PUDP: variants seen among roughly 807,000 people sequenced by gnomAD.
PUDP encodes pseudouridine-5'-phosphatase.
In PUDP, 8 loss-of-function variants were observed where a neutral mutation model predicts 9.4. The ratio of observed to expected loss-of-function variants is 0.85; its 90% CI spans 0.50 to 1.53. PUDP has a LOEUF of 1.53. PUDP is among the 40% of genes most tolerant of loss of function. The probability of loss-of-function intolerance (pLI) is 0.00; values close to 1 mark genes in which losing one functional copy is unlikely to be tolerated. For synonymous variants in PUDP, 99 were observed against 80.7 expected (o/e 1.23, Z -1.22); for missense variants, 188 against 189.7 (o/e 0.99, Z 0.05).
chrX:7,147,143 C>CATGTGA, intron 1 of PUDP, among the ~76,000 whole-genome samples: 1 of 111,044 alleles, frequency 9.0e-6, no homozygotes, highest in East Asian at 2.8e-4. Context: ...TACCTTAGTA[C>CATGTGA]ACTGCCAAGG....
chrX:6,973,195 G>A lies in PUDP; in HGVS notation c.*247+3938C>T, dbSNP rs766707824. ...ATTGATTTTTTGAAGAGTTTTTCAT[G>A]TCTCTATCTCCTTCAGTTCTGCTTT... On this transcript the variant is annotated intron_variant and NMD_transcript_variant, in intron 3 of 3. Coordinates refer to the PUDP transcript ENST00000655425. Among the ~76,000 whole-genome samples the A allele has an allele frequency of 4.9e-3, 545 of 111,235 alleles. 1 individual carries two copies. Among genetic ancestry groups the A allele is most frequent in the Non-Finnish European group, 8.2e-3 (436 of 53,041 alleles).
chrX:7,118,121 TG>T (rs1932246561), intron 1 of PUDP, among the ~76,000 whole-genome samples: 1 of 113,079 alleles, frequency 8.8e-6, no homozygotes, highest in African/African-American at 3.2e-5. Context: ...CACACTTATG[TG>T]GGCTTGGATG....
intron 3 of PUDP, among the ~76,000 whole-genome samples, chrX:6,887,047 T>C (rs2146743507): frequency 9.4e-6 from 1 of 105,964 alleles, no homozygotes; most frequent in East Asian, 2.8e-4. Flanking sequence ...ATAAATTATA[T>C]ATGAATATAT....
At chrX:6,931,719 C>T (rs889122227) in intron 3 of PUDP, among the ~76,000 whole-genome samples, 1 of 111,284 alleles carries the variant, frequency 9.0e-6, no homozygotes, top group African/African-American at 3.3e-5. Flanking sequence ...TTCCATGAAC[C>T]CTTGCACCTG....
At chrX:6,873,425 T>C (rs1163494303) in intron 3 of PUDP, among the ~76,000 whole-genome samples, 1 of 112,217 alleles carries the variant, frequency 8.9e-6, no homozygotes, top group Non-Finnish European at 1.9e-5. Context: ...AACATGCTCC[T>C]GGTCTAAAAA....
chrX:6,720,078 AATAG>A (rs759661634), intron 1 of PUDP, among the ~76,000 whole-genome samples: 29 of 107,261 alleles, frequency 2.7e-4, no homozygotes, highest in Admixed American at 8.1e-4. Context: ...CCAATAGATG[AATAG>A]ATAAAGAAAA....
intron 2 of PUDP, among the ~76,000 whole-genome samples, chrX:7,098,884 G>A (rs1258966571): frequency 9.2e-6 from 1 of 108,125 alleles, no homozygotes; most frequent in African/African-American, 3.4e-5. Flanking sequence ...GGGGAGAGCC[G>A]GCCAAGAGAT....
intron 3 of PUDP, among the ~76,000 whole-genome samples, chrX:6,795,191 T>C (rs1925824230): frequency 9.0e-6 from 1 of 111,515 alleles, no homozygotes; most frequent in Non-Finnish European, 1.9e-5. Context: ...GTATATGTGG[T>C]CTGTCACTGA....
At chrX:7,027,533 A>T (rs754483069) in intron 1 of PUDP, among the ~76,000 whole-genome samples, 1 of 103,741 alleles carries the variant, frequency 9.6e-6, no homozygotes, top group East Asian at 3.0e-4. Flanking sequence ...ATATATTCAC[A>T]CATATATGTG....
intron 1 of PUDP, among the ~76,000 whole-genome samples, chrX:6,717,011 C>G (rs975608873): frequency 1.6e-4 from 18 of 111,386 alleles, no homozygotes; most frequent in African/African-American, 5.9e-4. Context: ...TCAAGTAATC[C>G]TTCTACCTTG....
At chrX:6,772,392 A>G (rs1159184838) in intron 3 of PUDP, among the ~76,000 whole-genome samples, 1 of 110,926 alleles carries the variant, frequency 9.0e-6, no homozygotes, top group African/African-American at 3.3e-5. Flanking sequence ...AGGGGCTACA[A>G]GCAGAGTCAG....
chrX:6,810,795 G>T (rs1360318130), intron 3 of PUDP, among the ~76,000 whole-genome samples: 2 of 111,657 alleles, frequency 1.8e-5, no homozygotes, highest in Non-Finnish European at 3.8e-5. Flanking sequence ...TGAAGCTCAA[G>T]AATTAGATAT....
chrX:6,805,700 T>A (rs989842323), intron 3 of PUDP, among the ~76,000 whole-genome samples: 1 of 108,318 alleles, frequency 9.2e-6, no homozygotes, highest in African/African-American at 3.4e-5. Flanking sequence ...TTTTTTTTTT[T>A]AGAGATGGGG....
chrX:6,897,736 T>A (rs1927613463), intron 3 of PUDP, among the ~76,000 whole-genome samples: 1 of 111,390 alleles, frequency 9.0e-6, no homozygotes, highest in Admixed American at 9.5e-5. Context: ...AGTCCCCACT[T>A]TCTGATTCAT....
At chrX:6,816,753 T>C (rs1926244576) in intron 3 of PUDP, among the ~76,000 whole-genome samples, 1 of 95,340 alleles carries the variant, frequency 1.0e-5, no homozygotes, top group African/African-American at 3.8e-5. Flanking sequence ...ATATACGATA[T>C]AGTATATACA....
chrX:7,127,545 A>G (rs1390773338), intron 1 of PUDP, among the ~76,000 whole-genome samples: 1 of 112,364 alleles, frequency 8.9e-6, no homozygotes, highest in African/African-American at 3.2e-5. Context: ...GAAAACTCTA[A>G]TCACCTGCAT....
rs931342986 is a variant in PUDP at position 6,867,632 on chromosome X, G to A, written c.*247+109501C>T. 2.7e-5 allele frequency among the ~76,000 whole-genome samples: 3 copies of A among 110,529 alleles called. No individual in the cohort carries two copies. The Admixed American group carries it at 2.9e-4, about 11-fold the overall frequency. The stretch of plus-strand genomic sequence containing the variant: ...GATGGTGATGTTGATGGCAATGGTG[G>A]TGTTGATGGATACTGATGATGTGGT... On this transcript the variant is annotated intron_variant and NMD_transcript_variant, in intron 3 of 3. Coordinates refer to the PUDP transcript ENST00000655425.
At chrX:6,860,358 TA>T (rs1926978701) in intron 3 of PUDP, among the ~76,000 whole-genome samples, 1 of 111,241 alleles carries the variant, frequency 9.0e-6, no homozygotes, top group Non-Finnish European at 1.9e-5. Flanking sequence ...CAGGGTCATC[TA>T]AAACTTCTGG....
intron 3 of PUDP, among the ~76,000 whole-genome samples, chrX:6,768,990 C>T (rs1454950999): frequency 8.9e-6 from 1 of 112,040 alleles, no homozygotes; most frequent in Non-Finnish European, 1.9e-5. Flanking sequence ...ACAGCCACAA[C>T]GAAAGTAGCA....
Sources: gnomAD v4.1 joint callset for allele counts (sites outside exome capture counted in the v4.1 genomes callset) on GRCh38, gnomAD v4.1.1 for gene constraint, MANE v1.5 for transcripts, NCBI Gene and HGNC (gene_info 2026-07-23, HGNC 2026-07-21) for gene names.